The following DDX10 variants were observed in gnomAD, a reference collection of about 807,000 sequenced individuals.
The protein encoded by DDX10 is DEAD-box helicase 10.
DDX10 carries 74 observed loss-of-function variants against 104.3 expected under a neutral mutation model. That is an observed-to-expected ratio of 0.71 (90% confidence interval 0.59 to 0.86). The LOEUF is 0.86. Ranked by LOEUF, DDX10 falls within the 40% of genes least tolerant of loss-of-function variation. The probability of loss-of-function intolerance (pLI) is 0.00; values close to 1 mark genes in which losing one functional copy is unlikely to be tolerated. For missense variants in DDX10, 952 were observed against 1,040.0 expected, an observed-to-expected ratio of 0.92 and a Z score of 1.16; for synonymous variants, 351 against 353.4, an observed-to-expected ratio of 0.99 and a Z score of 0.08.
chr11:108,792,154 G>A (rs1281446468), intron 13 of DDX10, among the ~76,000 whole-genome samples: 2 of 151,984 alleles, frequency 1.3e-5, no homozygotes, highest in Admixed American at 6.6e-5. Flanking sequence ...TAAGATTCTT[G>A]ACTATATTTG....
intron 13 of DDX10, among the ~76,000 whole-genome samples, chr11:108,800,275 CAAA>C (rs5794604): frequency 1.3e-4 from 14 of 106,200 alleles, no homozygotes; most frequent in Non-Finnish European, 1.9e-4. Flanking sequence ...ACTAAAAATA[CAAA>C]AAAAAAAAAA....
chr11:108,821,710 G>GT lies in DDX10; in HGVS notation c.1966-16735dup, dbSNP rs1862327323. Among the ~76,000 whole-genome samples the GT allele has an allele frequency of 2.0e-5, 3 of 152,040 alleles. No homozygotes were observed. The South Asian group carries it at 6.2e-4, about 31-fold the overall frequency. On this transcript the variant is annotated intron_variant, in intron 13 of 17. Coordinates refer to ENST00000322536, the MANE Select transcript of DDX10 (RefSeq NM_004398.4). The stretch of plus-strand genomic sequence containing the variant: ...TCATTTCTATGGTCCTTTTATGAAC[G>GT]TAAGAAAGCGCTTTTTTAAAAAAAT...
At chr11:108,756,103 G>T (rs981335020) in intron 13 of DDX10, among the ~76,000 whole-genome samples, 1 of 151,974 alleles carries the variant, frequency 6.6e-6, no homozygotes, top group Non-Finnish European at 1.5e-5. Context: ...TATACTGATT[G>T]TGTTAGTGCT....
chr11:108,925,751 G>A (rs764712633), intron 17 of DDX10, among the ~76,000 whole-genome samples: 13 of 151,642 alleles, frequency 8.6e-5, no homozygotes, highest in Non-Finnish European at 1.3e-4. Context: ...TTTAATTTTC[G>A]CTATTGTAAG....
In DDX10 at chr11:108,868,966, C is replaced by CTTT. The variant is rs36048300; in HGVS notation, c.2304+16771_2304+16773dup. ...CCCCTAGCCACAATTAAGAATTAAG[C>CTTT]TTTTTTTTTTTTTTTTCCTGACTGC... On this transcript the variant is annotated intron_variant, in intron 16 of 17. Transcript: ENST00000322536. Among the ~76,000 whole-genome samples the CTTT allele has an allele frequency of 1.1e-3, 147 of 137,108 alleles. 2 individuals are homozygous for CTTT. Among genetic ancestry groups the CTTT allele is most frequent in the African/African-American group, 3.7e-3 (137 of 36,960 alleles). The allele number at this position is 137,108 out of a possible 152,430, so 89.9% of individuals were successfully genotyped here.
At chr11:108,887,256 G>A (rs1311795006) in intron 16 of DDX10, among the ~76,000 whole-genome samples, 1 of 152,050 alleles carries the variant, frequency 6.6e-6, no homozygotes, top group East Asian at 1.9e-4. Flanking sequence ...TATCCAATGT[G>A]ATAGTCAAGG....
At chr11:108,874,772 C>G (rs182178753) in intron 16 of DDX10, among the ~76,000 whole-genome samples, 1 of 152,176 alleles carries the variant, frequency 6.6e-6, no homozygotes, top group East Asian at 1.9e-4. Flanking sequence ...CTTGACATCT[C>G]AAAAGCTCAT....
At chr11:108,749,277 C>T (rs2134503590) in intron 13 of DDX10, among the ~76,000 whole-genome samples, 1 of 152,094 alleles carries the variant, frequency 6.6e-6, no homozygotes, top group South Asian at 2.1e-4. Flanking sequence ...TCATTACGCT[C>T]CATGTGTGAA....
intron 15 of DDX10, among the ~76,000 whole-genome samples, chr11:108,850,176 T>A (rs886185738): frequency 6.6e-6 from 1 of 152,182 alleles, no homozygotes; most frequent in Admixed American, 6.5e-5. Flanking sequence ...AGTCTTTGGA[T>A]GTCTCTTGTC....
chr11:108,761,879 G>T (rs1028058668), intron 13 of DDX10, among the ~76,000 whole-genome samples: 2 of 152,074 alleles, frequency 1.3e-5, no homozygotes, highest in Non-Finnish European at 2.9e-5. Context: ...GATGTATTAA[G>T]AATGGAAAAT....
At chr11:108,727,004 A>C (rs1291595387) in intron 13 of DDX10, among the ~76,000 whole-genome samples, 1 of 152,044 alleles carries the variant, frequency 6.6e-6, no homozygotes, top group Non-Finnish European at 1.5e-5. Flanking sequence ...TACATGTTGA[A>C]TCAAATTTAA....
At chr11:108,938,699 C>T (rs1864066471) in intron 17 of DDX10, among the ~76,000 whole-genome samples, 1 of 152,132 alleles carries the variant, frequency 6.6e-6, no homozygotes, top group South Asian at 2.1e-4. Context: ...TGATTTGTGG[C>T]TTTAAAGAAC....
intron 13 of DDX10, among the ~76,000 whole-genome samples, chr11:108,744,206 A>C (rs1591807175): frequency 1.3e-5 from 2 of 152,278 alleles, no homozygotes; most frequent in Admixed American, 1.3e-4. Context: ...GTTGAGAGAG[A>C]GGGTAGTCTC....
At chr11:108,914,596 C>T (rs1183098070) in intron 16 of DDX10, among the ~76,000 whole-genome samples, 1 of 152,062 alleles carries the variant, frequency 6.6e-6, no homozygotes, top group East Asian at 1.9e-4. Context: ...ATGATAGAAT[C>T]TAGTGTTTCG....
At chr11:108,686,229 A>G (rs2094243853) in intron 6 of DDX10, among the ~76,000 whole-genome samples, 1 of 152,164 alleles carries the variant, frequency 6.6e-6, no homozygotes, top group Non-Finnish European at 1.5e-5. Context: ...GCTACAATGG[A>G]TGGACCTATG....
rs1328596002 is a variant in DDX10 at position 108,852,935 on chromosome 11, G to T, written c.2304+726G>T. ...GACTAGCCATGATTTCTTCTTGGCA[G>T]TTAGCAAAGCTCCAACTCCCTTGAG... On this transcript the variant is annotated intron_variant, in intron 16 of 17. Coordinates refer to ENST00000322536, the MANE Select transcript of DDX10 (RefSeq NM_004398.4). 2.0e-5 allele frequency among the ~76,000 whole-genome samples: 3 copies of T among 152,162 alleles called. No individual in the cohort carries two copies. In the East Asian group the frequency reaches 5.8e-4, roughly 29 times the overall value.
At position 108,678,878 on chromosome 11, in the gene DDX10, T is replaced by C. The variant is rs1283173911; in HGVS notation, c.658+443T>C. Among the ~76,000 whole-genome samples, 61 of 131,180 alleles carry C rather than the reference T, an allele frequency of 4.7e-4. 1 individual carries two copies. The Middle Eastern group carries it at 0.028, about 59-fold the overall frequency. The allele number at this position is 131,180 out of a possible 152,430, so 86.1% of individuals were successfully genotyped here. A position where few individuals can be genotyped will look rare whatever the true frequency, so the allele number is the denominator to read the frequency against. On this transcript the variant is annotated intron_variant, in intron 5 of 17. Transcript: ENST00000322536. ...TCAGCTGGTTTCCCCTAATTTTTTT[T>C]TTTTTTTTTTTTTTTTTTATACAGA...
chr11:108,903,638 A>G (rs941187163), intron 16 of DDX10, among the ~76,000 whole-genome samples: 5 of 152,156 alleles, frequency 3.3e-5, no homozygotes, highest in African/African-American at 1.2e-4. Flanking sequence ...GAGGATATGC[A>G]TAGGTTATAT....
At chr11:108,898,731 C>A (rs1863473463) in intron 16 of DDX10, among the ~76,000 whole-genome samples, 1 of 151,756 alleles carries the variant, frequency 6.6e-6, no homozygotes, top group African/African-American at 2.4e-5. Flanking sequence ...AGACTGGGAG[C>A]CTGACTGGTA....
Sources: gnomAD v4.1 joint callset for allele counts (sites outside exome capture counted in the v4.1 genomes callset) on GRCh38, gnomAD v4.1.1 for gene constraint, MANE v1.5 for transcripts, NCBI Gene and HGNC (gene_info 2026-07-23, HGNC 2026-07-21) for gene names.